The following TFEC variants were observed in gnomAD, a reference collection of about 807,000 sequenced individuals.
TFEC encodes transcription factor EC.
Under a neutral mutation model 41.6 loss-of-function variants are expected in TFEC, and 31 were observed. The ratio of observed to expected loss-of-function variants is 0.74; its 90% confidence interval spans 0.56 to 1.01. TFEC has a LOEUF of 1.01. TFEC is among the 50% of genes least tolerant of loss of function. The pLI is 0.00. For missense variants in TFEC, 402 were observed against 404.1 expected (o/e 0.99, Z 0.04); for synonymous variants, 143 against 140.6 (o/e 1.02, Z -0.12).
At chr7:116,083,790 C>A (rs1226414783) in intron 3 of TFEC, among the ~76,000 whole-genome samples, 1 of 151,850 alleles carries the variant, frequency 6.6e-6, no homozygotes, top group Non-Finnish European at 1.5e-5. Flanking sequence ...AAGAAATCTG[C>A]TATTCTCCTT....
chr7:116,102,342 T>C (rs747714474), intron 3 of TFEC, among the ~76,000 whole-genome samples: 2 of 152,200 alleles, frequency 1.3e-5, no homozygotes, highest in African/African-American at 2.4e-5. Context: ...AGAGCTTTCA[T>C]TGGTGTGTTT....
chr7:116,027,362 C>G (rs543108460), intron 1 of TFEC, among the ~76,000 whole-genome samples: 1 of 152,170 alleles, frequency 6.6e-6, no homozygotes, highest in African/African-American at 2.4e-5. Context: ...GAGGCAACCA[C>G]TTGAGTCCAG....
rs1310473244 is a variant in TFEC at position 116,132,688 on chromosome 7, G to C, written c.-68-20650C>G. ...GTGCAAATATTCAAACTGTGAAAATGGAAAATAACATTTTAGCAATAAAAT... is the reference window on the plus strand; with the variant it reads ...GTGCAAATATTCAAACTGTGAAAATCGAAAATAACATTTTAGCAATAAAAT... On this transcript the variant is annotated intron_variant, in intron 1 of 8. Coordinates refer to the TFEC transcript ENST00000484212. 2.0e-5 allele frequency among the ~76,000 whole-genome samples: 3 copies of C among 152,162 alleles called. No individual in the cohort carries two copies. In the East Asian group the frequency reaches 5.8e-4, roughly 29 times the overall value.
intron 2 of TFEC, among the ~76,000 whole-genome samples, 194 bp from the exon 3 acceptor site, chr7:115,974,450 A>ATATATATATATAT (rs1491505885): frequency 3.2e-3 from 90 of 27,898 alleles, no homozygotes; most frequent in Non-Finnish European, 4.9e-3. Flanking sequence ...ATATATATAT[A>ATATATATATATAT]AAAACACAGA....
At chr7:116,138,890 C>T (rs1798486116) in intron 1 of TFEC, among the ~76,000 whole-genome samples, 1 of 152,140 alleles carries the variant, frequency 6.6e-6, no homozygotes, top group Admixed American at 6.6e-5. Flanking sequence ...CTAACTCACA[C>T]AAAAACCTCT....
intron 1 of TFEC, among the ~76,000 whole-genome samples, chr7:116,132,340 T>C (rs1299501350): frequency 6.6e-6 from 1 of 152,224 alleles, no homozygotes; most frequent in Non-Finnish European, 1.5e-5. Flanking sequence ...AAATTTCTGC[T>C]TCTTGGGTCT....
chr7:116,067,886 T>A (rs1796731963), intron 3 of TFEC, among the ~76,000 whole-genome samples: 1 of 151,838 alleles, frequency 6.6e-6, no homozygotes, highest in Non-Finnish European at 1.5e-5. Flanking sequence ...GGACAGGAGC[T>A]CTCATCTCAT....
At chr7:116,039,029 AT>A (rs1409477159) in intron 3 of TFEC, among the ~76,000 whole-genome samples, 1 of 152,090 alleles carries the variant, frequency 6.6e-6, no homozygotes, top group African/African-American at 2.4e-5. Flanking sequence ...CATCACTTCT[AT>A]CCATCATTCA....
chr7:116,157,394 C>G, intron 1 of TFEC: 1 of 151,688 alleles, frequency 6.6e-6, no homozygotes, highest in East Asian at 1.9e-4. Flanking sequence ...TAAGTAAGCA[C>G]AAATAACATT....
In TFEC at chr7:115,956,797, G is replaced by A. The variant is rs768062507; in HGVS notation, c.268-4C>T. On this transcript the variant is annotated splice_polypyrimidine_tract_variant and splice_region_variant and intron_variant, in intron 3 of 7. Coordinates refer to ENST00000265440, the MANE Select transcript of TFEC (RefSeq NM_012252.4). The stretch of plus-strand genomic sequence containing the variant: ...CATCCAAAATACTTCCAGATAACTT[G>A]AGAGGAAAAAGGAAGAAAAGATTAA... 1.3e-6 allele frequency: 2 copies of A among 1,548,740 alleles called. No homozygotes were observed. The highest frequency in any genetic ancestry group is 2.8e-5 in the African/African-American group (2 of 72,342).
chr7:116,151,238 ATT>A (rs5886809), intron 1 of TFEC, among the ~76,000 whole-genome samples: 4,847 of 119,930 alleles, frequency 0.04, 55 homozygotes, highest in African/African-American at 0.057. Flanking sequence ...ATTATGTCAG[ATT>A]TTTTTTTTTT....
chr7:116,058,472 T>A (rs1199063425), intron 3 of TFEC, among the ~76,000 whole-genome samples: 2 of 151,542 alleles, frequency 1.3e-5, no homozygotes, highest in East Asian at 3.9e-4. Flanking sequence ...TCTCAATAAT[T>A]AATGATAGAA....
At chr7:116,077,575 G>A (rs1054032247) in intron 3 of TFEC, among the ~76,000 whole-genome samples, 8 of 151,742 alleles carry the variant, frequency 5.3e-5, no homozygotes, top group Non-Finnish European at 1.2e-4. Context: ...GTAAAGGGGT[G>A]AAAAAAGATA....
intron 3 of TFEC, among the ~76,000 whole-genome samples, chr7:116,052,885 C>T (rs944052758): frequency 5.3e-5 from 8 of 151,490 alleles, no homozygotes; most frequent in Admixed American, 3.3e-4. Context: ...CTGGCTAACA[C>T]GGTGAAACCC....
chr7:115,943,556 ATTTT>A, intron 6 of TFEC, among the ~76,000 whole-genome samples: 1 of 149,706 alleles, frequency 6.7e-6, no homozygotes, highest in Non-Finnish European at 1.5e-5. Flanking sequence ...ACTTACAATA[ATTTT>A]TTTAAGTTCC....
Position 115,954,695 on chromosome 7 carries a change from T to C in TFEC, c.383-53A>G, listed in dbSNP as rs1584576543. Reference sequence around the variant, plus strand: ...ATGCTTAGTTCTACCTTAAAACCCCTCCAGGCAACATAATTCAGAACTCCT... The same window carrying C: ...ATGCTTAGTTCTACCTTAAAACCCCCCCAGGCAACATAATTCAGAACTCCT... On this transcript the variant is annotated intron_variant, in intron 4 of 7. Transcript: ENST00000265440. The C allele has an allele frequency of 3.6e-6, 5 of 1,389,422 alleles. No individual in the cohort carries two copies. The East Asian group carries it at 1.2e-4, about 32-fold the overall frequency. The allele number at this position is 1,389,422 out of a possible 1,614,324, so 86.1% of individuals were successfully genotyped here. A position where few individuals can be genotyped will look rare whatever the true frequency, so the allele number is the denominator to read the frequency against.
At chr7:115,989,923 C>A (rs986854922) in intron 1 of TFEC, among the ~76,000 whole-genome samples, 11 of 152,186 alleles carry the variant, frequency 7.2e-5, no homozygotes, top group Admixed American at 5.2e-4. Flanking sequence ...GGACAGACTG[C>A]CTCTTCAAGT....
intron 3 of TFEC, among the ~76,000 whole-genome samples, chr7:116,054,600 T>C (rs971827670): frequency 1.3e-5 from 2 of 152,152 alleles, no homozygotes; most frequent in Non-Finnish European, 2.9e-5. Flanking sequence ...TTGCCAGATT[T>C]AGCAAATAAA....
At chr7:116,024,373 T>C (rs931642498) in intron 1 of TFEC, among the ~76,000 whole-genome samples, 4 of 152,172 alleles carry the variant, frequency 2.6e-5, no homozygotes, top group African/African-American at 9.6e-5. Flanking sequence ...GAAAAGACTG[T>C]ATAATCCATC....
Sources: allele counts gnomAD v4.1 joint callset (sites outside exome capture counted in the v4.1 genomes callset), GRCh38; gene constraint gnomAD v4.1.1; transcripts MANE v1.5; gene names NCBI Gene and HGNC (gene_info 2026-07-23, HGNC 2026-07-21).